The following TRRAP variants were observed in gnomAD, a reference collection of about 807,000 sequenced individuals.
TRRAP encodes transformation/transcription domain associated protein.
A neutral mutation model predicts 438.8 loss-of-function variants in TRRAP; 41 were observed. That is an observed-to-expected ratio of 0.09 (90% confidence interval 0.07 to 0.12). The LOEUF (loss-of-function observed/expected upper bound fraction) is 0.12, where lower values mean the gene tolerates loss of function less well. Ranked by LOEUF, TRRAP falls within the 10% of genes least tolerant of loss-of-function variation. The pLI is 1.00. For synonymous variants in TRRAP, 1,994 were observed against 1,962.9 expected (o/e 1.02, Z -0.42); for missense variants, 3,122 against 5,055.1 (o/e 0.62, Z 11.60).
At chr7:98,887,840 AC>A (rs1234204040) in intron 3 of TRRAP, among the ~76,000 whole-genome samples, 2 of 151,468 alleles carry the variant, frequency 1.3e-5, no homozygotes, top group Non-Finnish European at 2.9e-5. Flanking sequence ...TTCTGAAGTT[AC>A]ATTATGTTAT....
intron 44 of TRRAP, among the ~76,000 whole-genome samples, chr7:98,958,960 T>C (rs1791755369): frequency 6.6e-6 from 1 of 152,232 alleles, no homozygotes. Context: ...TTTAAGTTCT[T>C]ATTCCTGTTA....
intron 38 of TRRAP, 80 bp downstream of exon 38, chr7:98,950,342 T>C: frequency 6.6e-7 from 1 of 1,505,878 alleles, no homozygotes; most frequent in Non-Finnish European, 9.1e-7. Context: ...TTTTCTTTTT[T>C]TGCTGTGTCA....
At chr7:98,986,961 C>T (rs944631565) in intron 62 of TRRAP, among the ~76,000 whole-genome samples, 3 of 152,142 alleles carry the variant, frequency 2.0e-5, no homozygotes, top group Admixed American at 6.5e-5. Flanking sequence ...TCTAGTCTTT[C>T]TCCATTGAAT....
At chr7:98,974,772 C>A (rs118178469) in intron 53 of TRRAP, among the ~76,000 whole-genome samples, 2 of 152,280 alleles carry the variant, frequency 1.3e-5, no homozygotes, top group African/African-American at 2.4e-5. Context: ...CCAGGTATTC[C>A]TTAGTCCAGT....
At chr7:99,007,814 T>G (rs1794251164) in intron 69 of TRRAP, among the ~76,000 whole-genome samples, 1 of 151,392 alleles carries the variant, frequency 6.6e-6, no homozygotes, top group South Asian at 2.1e-4. Context: ...TTTTTGTTTT[T>G]TTAAGATGTC....
chr7:98,975,115 G>T (rs1361353642), intron 53 of TRRAP, among the ~76,000 whole-genome samples: 1 of 152,246 alleles, frequency 6.6e-6, no homozygotes, highest in Non-Finnish European at 1.5e-5. Context: ...GTGTGGCCAT[G>T]TGAGGGAAAC....
intron 31 of TRRAP, among the ~76,000 whole-genome samples, 156 bp downstream of exon 31, chr7:98,943,173 T>C (rs1388478302): frequency 6.6e-6 from 1 of 152,230 alleles, no homozygotes; most frequent in Non-Finnish European, 1.5e-5. Context: ...TGGTATTCTG[T>C]TTTGCCTATC....
intron 67 of TRRAP, chr7:98,998,465 G>T (rs1055136148): frequency 4.3e-5 from 7 of 161,948 alleles, no homozygotes; most frequent in African/African-American, 1.7e-4. Context: ...ATCCTGTGAG[G>T]TTACTTTGTG....
Position 98,911,120 on chromosome 7 carries a change from A to G in TRRAP, c.1856A>G (p.Asn619Ser), listed in dbSNP as rs782533002. The change falls in exon 17 of 73, where the codon AAC becomes AGC. Residue 619 changes from asparagine to serine, a missense_variant. Transcript: ENST00000456197. ...GNGQTYIRVANCQTVRMKEEK... is the reference protein window; with the variant it reads ...GNGQTYIRVASCQTVRMKEEK... The stretch of plus-strand genomic sequence containing the variant: ...GGACAGACATACATCCGTGTGGCCA[A>G]CTGCCAGACTGTGAGAATGAAAGAG... 1.1e-5 allele frequency: 18 copies of G among 1,614,070 alleles called. No homozygotes were observed. In the Admixed American group the frequency reaches 3.0e-4, roughly 27 times the overall value.
chr7:98,958,990 C>T (rs763423108), intron 44 of TRRAP, among the ~76,000 whole-genome samples: 1 of 152,004 alleles, frequency 6.6e-6, no homozygotes, highest in African/African-American at 2.4e-5. Flanking sequence ...GTATATCTTA[C>T]AGTTCTGTTG....
chr7:98,955,291 T>C lies in TRRAP; in HGVS notation c.5924T>C (p.Val1975Ala). 6.2e-7 allele frequency: 1 copy of C among 1,613,386 alleles called. No individual in the cohort carries two copies. Among genetic ancestry groups the C allele is most frequent in the Non-Finnish European group, 8.5e-7 (1 of 1,179,514 alleles). The change falls in exon 41 of 73, where the codon GTG (valine) becomes GCG (alanine). Residue 1975 changes from valine (V) to alanine (A), a missense_variant. Coordinates refer to ENST00000456197, the MANE Select transcript of TRRAP (RefSeq NM_001375524.1). ...CTGGTCCACATTCTGCACCTGATAG[T>C]GCAACACTTCAAGGTGTGTAGGAGG... The part of the protein sequence containing the change: ...PQLVHILHLI[V>A]QHFKVYYPVR...
intron 47 of TRRAP, among the ~76,000 whole-genome samples, chr7:98,963,404 C>T (rs1255860018): frequency 1.3e-5 from 2 of 152,164 alleles, no homozygotes. Flanking sequence ...ACAAGTATCT[C>T]CTCCCGCTGC....
intron 51 of TRRAP, among the ~76,000 whole-genome samples, chr7:98,969,514 A>G (rs1792311781): frequency 6.6e-6 from 1 of 152,230 alleles, no homozygotes; most frequent in Non-Finnish European, 1.5e-5. Flanking sequence ...TGTGCAGTCA[A>G]CAGATGAGTC....
At chr7:98,921,496 A>G (rs1428745114) in intron 20 of TRRAP, among the ~76,000 whole-genome samples, 1 of 151,978 alleles carries the variant, frequency 6.6e-6, no homozygotes, top group Non-Finnish European at 1.5e-5. Flanking sequence ...CCACCTCAGC[A>G]TCCCAAATAG....
At position 99,008,783 on chromosome 7, in the gene TRRAP, G is replaced by A. The variant is rs79785737; in HGVS notation, c.10938+222G>A. ...TGGACGGTTTGTTATGACCAGACACGGGTCAGTCCTCGACCTTGGAGAGGC... is the reference window on the plus strand; with the variant it reads ...TGGACGGTTTGTTATGACCAGACACAGGTCAGTCCTCGACCTTGGAGAGGC... On this transcript the variant is annotated intron_variant, in intron 70 of 72. Transcript: ENST00000456197. Among the ~76,000 whole-genome samples, 15,298 of 152,246 alleles carry A rather than the reference G, an allele frequency of 0.1. 2,538 individuals carry two copies. The highest frequency in any genetic ancestry group is 0.35 in the African/African-American group (14,400 of 41,506).
In TRRAP at chr7:98,994,154, G is replaced by GTT. The variant is rs1793543373; in HGVS notation, c.10047+417_10047+418insTT. ...ATAACGTTGGCTTAAGCTGATGACAGAATAGTCCACGCCTCACTGCCCAGA... is the reference window on the plus strand; with the variant it reads ...ATAACGTTGGCTTAAGCTGATGACAGTTAATAGTCCACGCCTCACTGCCCAGA... On this transcript the variant is annotated intron_variant, in intron 66 of 72. Transcript: ENST00000456197. The surrounding 1 kb of genome is among the most constrained non-coding windows in gnomAD (Gnocchi z 4.8). 2.6e-5 allele frequency among the ~76,000 whole-genome samples: 4 copies of GTT among 152,204 alleles called. No individual in the cohort carries two copies.
intron 67 of TRRAP, among the ~76,000 whole-genome samples, chr7:99,000,744 C>T (rs917210462): frequency 1.5e-4 from 23 of 152,342 alleles, no homozygotes; most frequent in Non-Finnish European, 8.8e-5. Context: ...CCTGAAGGAG[C>T]AGGGCCCACA....
At chr7:98,988,728 A>C in intron 62 of TRRAP, 37 bp from the exon 63 acceptor site, 1 of 1,606,096 alleles carries the variant, frequency 6.2e-7, no homozygotes, top group Admixed American at 1.7e-5. Context: ...GCTTCAATTG[A>C]AAACCATACA....
At chr7:98,987,351 C>G (rs557709029) in intron 62 of TRRAP, among the ~76,000 whole-genome samples, 1 of 152,180 alleles carries the variant, frequency 6.6e-6, no homozygotes, top group Non-Finnish European at 1.5e-5. Context: ...TTTGTGAACA[C>G]GAGATGTCTT....
Sources: gnomAD v4.1 joint callset for allele counts (sites outside exome capture counted in the v4.1 genomes callset) on GRCh38, gnomAD v4.1.1 for gene constraint, Gnocchi (gnomAD v3.1) non-coding constraint, MANE v1.5 for transcripts, NCBI Gene and HGNC (gene_info 2026-07-23, HGNC 2026-07-21) for gene names.